Variants in NUP160 observed in about 807,000 individuals in gnomAD.
NUP160 encodes the protein nucleoporin 160, also known as nuclear pore complex protein Nup160.
Under a neutral mutation model 196.9 loss-of-function variants are expected in NUP160, and 94 were observed. The observed-to-expected ratio is 0.48, with a 90% CI of 0.40 to 0.57. NUP160 has a LOEUF of 0.57. Among genes scored for constraint, NUP160 ranks in the 20% least tolerant of loss-of-function variants. The pLI, the probability that NUP160 is intolerant of heterozygous loss-of-function variation, is 0.00. For missense variants in NUP160, 1,638 were observed against 1,748.3 expected (o/e 0.94, Z 1.13); for synonymous variants, 605 against 619.7 (o/e 0.98, Z 0.35).
chr11:47,782,061 A>G (rs998853362), intron 34 of NUP160, among the ~76,000 whole-genome samples: 1 of 151,932 alleles, frequency 6.6e-6, no homozygotes, highest in Non-Finnish European at 1.5e-5. Context: ...TGGGTGGATC[A>G]CTTGAGGTTA....
At chr11:47,830,834 T>C (rs1852059158) in intron 7 of NUP160, among the ~76,000 whole-genome samples, 1 of 151,830 alleles carries the variant, frequency 6.6e-6, no homozygotes, top group Admixed American at 6.6e-5. Context: ...GTAATAAAGC[T>C]TCACATGTAC....
At chr11:47,792,293 C>A (rs1055883991) in intron 28 of NUP160, 2 of 303,420 alleles carry the variant, frequency 6.6e-6, no homozygotes, top group Non-Finnish European at 1.2e-5. Flanking sequence ...ATGTATCTGA[C>A]CCATCAGTAT....
chr11:47,813,326 G>T, exon 14 of NUP160: 1 of 1,589,582 alleles, frequency 6.3e-7, no homozygotes, highest in Non-Finnish European at 8.6e-7. Context: ...CATCAGATAT[G>T]GTTGTCTCAT....
chr11:47,821,507 C>T (rs537869942), intron 9 of NUP160: 119 of 508,190 alleles, frequency 2.3e-4, no homozygotes, highest in African/African-American at 2.1e-3. Flanking sequence ...GGATTATAGG[C>T]ACCTGCCACC....
At chr11:47,782,301 AAAATATATATATATATATATATATATAT>A (rs1446048010) in intron 34 of NUP160, among the ~76,000 whole-genome samples, 1 of 44,972 alleles carries the variant, frequency 2.2e-5, no homozygotes, top group Admixed American at 2.3e-4. Flanking sequence ...AAAAAAAAAA[AAAATATATATATATATATATATATATAT>A]ATATATATAT....
chr11:47,826,447 C>T (rs1851969033), intron 7 of NUP160, among the ~76,000 whole-genome samples: 1 of 152,164 alleles, frequency 6.6e-6, no homozygotes, highest in Non-Finnish European at 1.5e-5. Context: ...TGACACACTC[C>T]TGAACTACTA....
At chr11:47,848,334 G>C in exon 1 of NUP160, 15 of 1,613,702 alleles carry the variant, frequency 9.3e-6, no homozygotes, top group Non-Finnish European at 1.2e-5. Flanking sequence ...CGCCGTCGCC[G>C]CGACGCCCAA....
At chr11:47,848,285 C>G (rs769756953) in exon 1 of NUP160, 2 of 1,614,152 alleles carry the variant, frequency 1.2e-6, no homozygotes, top group South Asian at 2.2e-5. Context: ...CTTAGCTCCA[C>G]GAAGCTCCGT....
chr11:47,816,570 T>A (rs936743284), intron 11 of NUP160, among the ~76,000 whole-genome samples: 1 of 150,636 alleles, frequency 6.6e-6, no homozygotes, highest in African/African-American at 2.4e-5. Context: ...AGGCCAGGAG[T>A]TCGAGACAAG....
At position 47,841,683 on chromosome 11, in the gene NUP160, TTTTG is replaced by T. The variant is rs145805808; in HGVS notation, c.315-1099_315-1096del. The T allele has an allele frequency of 2.7e-3, 825 of 300,110 alleles. 11 individuals are homozygous for T. The highest frequency in any genetic ancestry group is 0.016 in the African/African-American group (703 of 44,338). 18.6% of individuals were successfully genotyped at this position (300,110 alleles called of 1,614,324 possible). Reference sequence around the variant, plus strand: ...TAAGGAGCATGTACCATCTGATAATTTTTGTTTGTTTGTTTGTTTTTTTTTTGAG... The same window carrying T: ...TAAGGAGCATGTACCATCTGATAATTTTTGTTTGTTTGTTTTTTTTTTGAG... On this transcript the variant is annotated intron_variant, in intron 2 of 35. Transcript: ENST00000378460.
At chr11:47,794,081 G>C (rs559864010) in intron 27 of NUP160, among the ~76,000 whole-genome samples, 2 of 152,224 alleles carry the variant, frequency 1.3e-5, no homozygotes, top group East Asian at 3.9e-4. Flanking sequence ...ATCGGGGTTG[G>C]GAGGAACAAG....
intron 28 of NUP160, chr11:47,792,558 A>G: frequency 2.2e-6 from 1 of 445,938 alleles, no homozygotes; most frequent in Non-Finnish European, 3.9e-6. Context: ...GTCTAACTCC[A>G]AAACCACTCT....
intron 2 of NUP160, among the ~76,000 whole-genome samples, chr11:47,847,337 C>T (rs1852418344): frequency 6.6e-6 from 1 of 152,152 alleles, no homozygotes; most frequent in Admixed American, 6.5e-5. Context: ...ATTAGCCTCT[C>T]ATAACCCGTA....
chr11:47,835,830 T>C (rs770221281), intron 6 of NUP160, 21 bp from the exon 7 acceptor site: 3 of 1,542,624 alleles, frequency 1.9e-6, no homozygotes, highest in East Asian at 2.3e-5. Context: ...AAATAGTTAA[T>C]AGGTGATATT....
chr11:47,798,570 G>A, intron 23 of NUP160, 107 bp from the exon 24 acceptor site: 1 of 666,946 alleles, frequency 1.5e-6, no homozygotes, highest in Non-Finnish European at 2.7e-6. Context: ...CGGCATGGTG[G>A]CTCACACCTC....
chr11:47,821,836 G>T lies in NUP160; in HGVS notation c.1180-15C>A, dbSNP rs1216709967. 6.4e-7 allele frequency: 1 copy of T among 1,561,488 alleles called. No individual in the cohort carries two copies. The highest frequency in any genetic ancestry group is 1.7e-5 in the Admixed American group (1 of 59,180). Reference sequence around the variant, plus strand: ...ATCAGTGTCTCCTAGGAGGAAATGTGGGAAAAAAAGGGATAAAATAAGAAA... The same window carrying T: ...ATCAGTGTCTCCTAGGAGGAAATGTTGGAAAAAAAGGGATAAAATAAGAAA... On this transcript the variant is annotated splice_polypyrimidine_tract_variant and intron_variant, in intron 8 of 35. Coordinates refer to ENST00000378460, the Ensembl canonical transcript of NUP160.
intron 9 of NUP160, 73 bp from the exon 10 acceptor site, chr11:47,819,531 C>T (rs1203848565): frequency 4.7e-6 from 5 of 1,061,038 alleles, no homozygotes; most frequent in Non-Finnish European, 7.3e-6. Flanking sequence ...TTGGCAGTAT[C>T]TGGGCAGGGA....
chr11:47,786,844 A>G lies in NUP160; in HGVS notation c.3747-290T>C, dbSNP rs532105726. 172 of 309,686 alleles carry G rather than the reference A, an allele frequency of 5.6e-4. 1 individual carries two copies. The highest frequency in any genetic ancestry group is 8.6e-4 in the Non-Finnish European group (135 of 156,588). 19.2% of individuals were successfully genotyped at this position (309,686 alleles called of 1,614,324 possible). On this transcript the variant is annotated intron_variant, in intron 31 of 35. Coordinates refer to ENST00000378460, the Ensembl canonical transcript of NUP160. Reference sequence around the variant, plus strand: ...TGCTCTGTCACCCAGGCTGCAGTGCAGTGGTGCAATCTCAGCTCACTGCAA... The same window carrying G: ...TGCTCTGTCACCCAGGCTGCAGTGCGGTGGTGCAATCTCAGCTCACTGCAA...
rs12280205 is a variant in NUP160, at chr11:47,847,243, C to G, written c.314+605G>C. Among the ~76,000 whole-genome samples, 1,088 of 152,254 alleles carry G rather than the reference C, an allele frequency of 7.1e-3. 12 individuals are homozygous for G. Among genetic ancestry groups the G allele is most frequent in the African/African-American group, 0.025 (1,048 of 41,542 alleles). ...CTCTCTGTCCACTCCCCATGCCTGG[C>G]TAACCTCGTGTCCTTTAGATCTCAG... is the stretch of plus-strand genomic sequence containing the variant. On this transcript the variant is annotated intron_variant, in intron 2 of 35. Transcript: ENST00000378460.
Sources: allele counts gnomAD v4.1 joint callset (sites outside exome capture counted in the v4.1 genomes callset), GRCh38; gene constraint gnomAD v4.1.1; transcripts MANE v1.5; gene names NCBI Gene and HGNC (gene_info 2026-07-23, HGNC 2026-07-21).